CD109: variants seen among roughly 807,000 people sequenced by gnomAD.
CD109 encodes the protein CD109 molecule.
In CD109, 149 loss-of-function variants were observed where a neutral mutation model predicts 165.8. The ratio of observed to expected loss-of-function variants is 0.90; its 90% CI spans 0.79 to 1.03. The LOEUF is 1.03. CD109 is among the 50% of genes least tolerant of loss of function. The pLI, the probability that CD109 is intolerant of heterozygous loss-of-function variation, is 0.00. For missense variants in CD109, 1,712 were observed against 1,677.8 expected (o/e 1.02, Z -0.36); for synonymous variants, 585 against 592.1 (o/e 0.99, Z 0.18).
intron 5 of CD109, among the ~76,000 whole-genome samples, chr6:73,740,026 G>A (rs989421087): frequency 2.0e-5 from 3 of 151,986 alleles, no homozygotes; most frequent in Admixed American, 6.6e-5. Context: ...GTGCCACTAC[G>A]CCTGCCTAGT....
At chr6:73,782,561 A>G in intron 17 of CD109, 53 bp from the exon 18 acceptor site, 2 of 1,555,040 alleles carry the variant, frequency 1.3e-6, no homozygotes, top group Non-Finnish European at 8.8e-7. Context: ...GGAGTTTACA[A>G]TTCATTCTCT....
intron 2 of CD109, among the ~76,000 whole-genome samples, chr6:73,710,901 CAAAA>C (rs1771511152): frequency 6.6e-6 from 1 of 152,208 alleles, no homozygotes; most frequent in African/African-American, 2.4e-5. Context: ...GGTTCATAAA[CAAAA>C]GAGCATGGTT....
At chr6:73,730,198 C>A (rs1772308152) in intron 3 of CD109, 146 bp from the exon 4 acceptor site, 2 of 609,998 alleles carry the variant, frequency 3.3e-6, no homozygotes, top group East Asian at 5.5e-5. Context: ...AACAAATTAA[C>A]TCTGATGCCT....
intron 4 of CD109, among the ~76,000 whole-genome samples, chr6:73,733,867 T>G (rs1339455378): frequency 6.6e-6 from 1 of 152,208 alleles, no homozygotes; most frequent in Non-Finnish European, 1.5e-5. Context: ...AGACATATTC[T>G]CCAGCCAGGG....
At chr6:73,766,293 G>A in intron 11 of CD109, 139 bp downstream of exon 11, 3 of 696,070 alleles carry the variant, frequency 4.3e-6, no homozygotes, top group South Asian at 2.1e-5. Context: ...GGAGGAGAGT[G>A]GTAAAAGTAA....
chr6:73,777,146 T>C (rs9447013), intron 15 of CD109, among the ~76,000 whole-genome samples: 89,337 of 150,618 alleles, frequency 0.59, 27,309 homozygotes, highest in East Asian at 0.85. Flanking sequence ...TTAGTAGAGA[T>C]GGGGTTTCTT....
At chr6:73,758,218 T>C (rs1188347619) in intron 6 of CD109, among the ~76,000 whole-genome samples, 1 of 152,126 alleles carries the variant, frequency 6.6e-6, no homozygotes. Flanking sequence ...ACTTCTCTTA[T>C]GTTAATTGAA....
At chr6:73,724,937 A>G (rs747841023) in intron 3 of CD109, among the ~76,000 whole-genome samples, 60 of 152,204 alleles carry the variant, frequency 3.9e-4, no homozygotes, top group Non-Finnish European at 7.9e-4. Context: ...TGTCAAGTAC[A>G]TTCAGAAACC....
chr6:73,723,401 GAGTTT>G (rs763024363), intron 3 of CD109, 122 bp downstream of exon 3: 18 of 789,712 alleles, frequency 2.3e-5, no homozygotes, highest in African/African-American at 3.5e-5. Context: ...AGTTTGGCTT[GAGTTT>G]AGTTCAGCCT....
chr6:73,702,498 A>C (rs1437999830), intron 2 of CD109, among the ~76,000 whole-genome samples: 2 of 152,164 alleles, frequency 1.3e-5, no homozygotes, highest in African/African-American at 2.4e-5. Context: ...CTCAGTCTGA[A>C]CCTGCAGTTA....
At chr6:73,696,042 C>T, upstream of CD109, 2 of 618,364 alleles carry the variant, frequency 3.2e-6, no homozygotes, top group East Asian at 6.7e-5. Flanking sequence ...GGGGTGGAGC[C>T]TCCAAGTCCT....
chr6:73,699,335 G>A (rs1770971835), intron 2 of CD109, among the ~76,000 whole-genome samples: 1 of 151,900 alleles, frequency 6.6e-6, no homozygotes, highest in Admixed American at 6.6e-5. Context: ...TAACAAACCT[G>A]CACGTGTATC....
At chr6:73,684,369 G>A in the CD109 span, among the ~76,000 whole-genome samples, 3 of 151,790 alleles carry the variant, frequency 2.0e-5, no homozygotes, top group Non-Finnish European at 4.4e-5. Context: ...ACAGCTGAGT[G>A]CCACCACTCC....
At chr6:73,688,517 T>C in the CD109 span, among the ~76,000 whole-genome samples, 1 of 152,162 alleles carries the variant, frequency 6.6e-6, no homozygotes, top group Non-Finnish European at 1.5e-5. Flanking sequence ...ACAGAGCTCC[T>C]AAATCCCTTG....
At chr6:73,770,412 G>A (rs1773993504) in intron 14 of CD109, among the ~76,000 whole-genome samples, 1 of 152,136 alleles carries the variant, frequency 6.6e-6, no homozygotes. Context: ...ATAATCATTG[G>A]CACAGCAGAA....
chr6:73,804,907 C>G (rs759113789), intron 24 of CD109, among the ~76,000 whole-genome samples: 3 of 152,188 alleles, frequency 2.0e-5, no homozygotes, highest in Non-Finnish European at 4.4e-5. Flanking sequence ...AAATGCTCAT[C>G]ATCACTGGCC....
the CD109 span, among the ~76,000 whole-genome samples, chr6:73,681,929 G>GATCTCAT: frequency 6.6e-6 from 1 of 151,986 alleles, no homozygotes; most frequent in Non-Finnish European, 1.5e-5. Context: ...AAAACCATTA[G>GATCTCAT]ATCTCATGAG....
chr6:73,728,308 TCAAAA>T (rs573815888), intron 3 of CD109, among the ~76,000 whole-genome samples: 125 of 152,164 alleles, frequency 8.2e-4, no homozygotes, highest in African/African-American at 2.3e-3. Flanking sequence ...AGAGTTCGTC[TCAAAA>T]CAAAACAAAA....
At chr6:73,814,905 C>T (rs1775881762) in intron 29 of CD109, 76 bp from the exon 30 acceptor site, 2 of 1,049,602 alleles carry the variant, frequency 1.9e-6, no homozygotes, top group Admixed American at 3.5e-5. Context: ...GAATCATTAC[C>T]TAATACAGTA....
Sources: gnomAD v4.1 joint callset for allele counts (sites outside exome capture counted in the v4.1 genomes callset) on GRCh38, gnomAD v4.1.1 for gene constraint, MANE v1.5 for transcripts, NCBI Gene and HGNC (gene_info 2026-07-23, HGNC 2026-07-21) for gene names.